ROBO1: variants seen among roughly 807,000 people sequenced by gnomAD.
ROBO1 encodes the protein roundabout guidance receptor 1.
ROBO1 carries 149 observed loss-of-function variants against 195.9 expected under a neutral mutation model. That is an observed-to-expected ratio of 0.76 (90% CI 0.67 to 0.87). The LOEUF (loss-of-function observed/expected upper bound fraction) is 0.87, where lower values mean the gene tolerates loss of function less well. Among genes scored for constraint, ROBO1 ranks in the 40% least tolerant of loss-of-function variants. The pLI is 0.00. For missense variants in ROBO1, 1,933 were observed against 2,068.3 expected (o/e 0.93, Z 1.27); for synonymous variants, 816 against 733.2 (o/e 1.11, Z -1.82).
intron 4 of ROBO1, among the ~76,000 whole-genome samples, chr3:78,897,641 T>C (rs964563842): frequency 2.0e-5 from 3 of 152,214 alleles, no homozygotes; most frequent in African/African-American, 7.2e-5. Context: ...TTATTTATTA[T>C]AGTGCACTAT....
intron 2 of ROBO1, among the ~76,000 whole-genome samples, chr3:79,490,206 G>C (rs1220095989): frequency 6.6e-6 from 1 of 152,060 alleles, no homozygotes; most frequent in Admixed American, 6.5e-5. Context: ...AATTGTGTAT[G>C]GTATATGTGG....
intron 19 of ROBO1, among the ~76,000 whole-genome samples, chr3:78,649,954 C>T (rs893740031): frequency 1.3e-5 from 2 of 152,132 alleles, no homozygotes; most frequent in African/African-American, 2.4e-5. Flanking sequence ...ATTATAATCA[C>T]GTAGCTATGG....
At chr3:79,740,498 G>C (rs935054595) in intron 1 of ROBO1, among the ~76,000 whole-genome samples, 4 of 151,968 alleles carry the variant, frequency 2.6e-5, no homozygotes, top group African/African-American at 9.7e-5. Context: ...GTTCCGCATG[G>C]CTGGGGAGGC....
chr3:78,805,655 T>C (rs2084514204), intron 4 of ROBO1, among the ~76,000 whole-genome samples: 1 of 151,996 alleles, frequency 6.6e-6, no homozygotes, highest in African/African-American at 2.4e-5. Flanking sequence ...TATCAGCTGA[T>C]AATGAGGAAA....
At chr3:79,292,989 G>C (rs529954934) in intron 2 of ROBO1, among the ~76,000 whole-genome samples, 7 of 152,284 alleles carry the variant, frequency 4.6e-5, no homozygotes, top group Admixed American at 1.3e-4. Context: ...GAATTTGGCT[G>C]TGAATCCGTC....
chr3:79,474,418 G>A (rs1003669604), intron 2 of ROBO1, among the ~76,000 whole-genome samples: 7 of 151,984 alleles, frequency 4.6e-5, no homozygotes, highest in Admixed American at 3.3e-4. Flanking sequence ...CTATTACTTC[G>A]ATATGCCTCA....
chr3:79,602,794 C>G (rs1944375225), intron 1 of ROBO1, among the ~76,000 whole-genome samples: 1 of 151,914 alleles, frequency 6.6e-6, no homozygotes, highest in Non-Finnish European at 1.5e-5. Flanking sequence ...CAGAGAAAAT[C>G]TACTGGAACT....
chr3:78,856,739 T>A (rs2034467917), intron 4 of ROBO1, among the ~76,000 whole-genome samples: 1 of 151,594 alleles, frequency 6.6e-6, no homozygotes, highest in African/African-American at 2.4e-5. Context: ...GTGTTTTCTT[T>A]TTAAAAATTA....
chr3:79,598,436 T>C (rs1205582757), intron 1 of ROBO1, among the ~76,000 whole-genome samples: 1 of 152,104 alleles, frequency 6.6e-6, no homozygotes, highest in African/African-American at 2.4e-5. Flanking sequence ...GGTTGTATTG[T>C]ACATTTCACT....
At chr3:79,485,470 C>G (rs1360600014) in intron 2 of ROBO1, among the ~76,000 whole-genome samples, 5 of 152,146 alleles carry the variant, frequency 3.3e-5, no homozygotes, top group Middle Eastern at 3.4e-3. Context: ...TAAATGTTAA[C>G]AAAGTATTTT....
intron 4 of ROBO1, among the ~76,000 whole-genome samples, chr3:78,764,357 C>T (rs1335316818): frequency 6.6e-6 from 1 of 152,050 alleles, no homozygotes; most frequent in Non-Finnish European, 1.5e-5. Flanking sequence ...TATGAAAGCC[C>T]ATTTATTCCC....
chr3:79,432,976 T>A (rs1269835580), intron 2 of ROBO1, among the ~76,000 whole-genome samples: 1 of 152,200 alleles, frequency 6.6e-6, no homozygotes, highest in Non-Finnish European at 1.5e-5. Flanking sequence ...AAATTATGTA[T>A]AGTTATTTTT....
intron 1 of ROBO1, among the ~76,000 whole-genome samples, chr3:79,705,595 G>A (rs1319217455): frequency 1.3e-5 from 2 of 151,998 alleles, no homozygotes; most frequent in African/African-American, 4.8e-5. Flanking sequence ...ATTATTGTAA[G>A]TTTTGAATTT....
chr3:79,133,856 G>T (rs1282622455), intron 2 of ROBO1, among the ~76,000 whole-genome samples: 1 of 148,574 alleles, frequency 6.7e-6, no homozygotes, highest in African/African-American at 2.5e-5. Flanking sequence ...GTACAGATGG[G>T]TTTTCGGTGT....
At chr3:78,814,417 C>T (rs776026788) in intron 4 of ROBO1, among the ~76,000 whole-genome samples, 1 of 151,888 alleles carries the variant, frequency 6.6e-6, no homozygotes, top group Non-Finnish European at 1.5e-5. Context: ...AAATCTAGTG[C>T]ATTTTATAGC....
chr3:79,063,303 C>T (rs1401999155), intron 3 of ROBO1, among the ~76,000 whole-genome samples: 1 of 151,908 alleles, frequency 6.6e-6, no homozygotes, highest in Non-Finnish European at 1.5e-5. Flanking sequence ...ATAGCTCCGG[C>T]AATACTCTTT....
rs765666311 is a variant in ROBO1, at chr3:78,607,069, G to GT, written c.4436-29dup. ...AAAAAGAAACATTAAAAATACTACT[G>GT]TAAAAGTCTGCTGCTTATAAAATCA... is the stretch of plus-strand genomic sequence containing the variant. On this transcript the variant is annotated intron_variant, in intron 28 of 30. Coordinates refer to ENST00000464233, the MANE Select transcript of ROBO1 (RefSeq NM_002941.4). 4.5e-5 allele frequency: 71 copies of GT among 1,576,770 alleles called. No individual in the cohort carries two copies. In the East Asian group the frequency reaches 1.6e-3, roughly 35 times the overall value.
intron 2 of ROBO1, among the ~76,000 whole-genome samples, chr3:79,430,465 T>A (rs187378140): frequency 1.1e-4 from 17 of 152,190 alleles, no homozygotes; most frequent in African/African-American, 3.6e-4. Flanking sequence ...GAAAATGATG[T>A]TTCTCTCAAT....
intron 2 of ROBO1, among the ~76,000 whole-genome samples, chr3:79,498,367 A>G (rs1041893060): frequency 2.6e-5 from 4 of 152,092 alleles, no homozygotes; most frequent in East Asian, 3.9e-4. Flanking sequence ...GGCACTTAAA[A>G]CTATGTTATT....
Sources: gnomAD v4.1 joint callset for allele counts (sites outside exome capture counted in the v4.1 genomes callset) on GRCh38, gnomAD v4.1.1 for gene constraint, MANE v1.5 for transcripts, NCBI Gene and HGNC (gene_info 2026-07-23, HGNC 2026-07-21) for gene names.